KCNQ5: variants seen among roughly 807,000 people sequenced by gnomAD.
KCNQ5 encodes potassium voltage-gated channel subfamily Q member 5.
A neutral mutation model predicts 98.2 loss-of-function variants in KCNQ5; 30 were observed. That is an observed-to-expected ratio of 0.31 (90% CI 0.23 to 0.41). The LOEUF (loss-of-function observed/expected upper bound fraction) is 0.41, where lower values mean the gene tolerates loss of function less well. Among genes scored for constraint, KCNQ5 ranks in the 10% least tolerant of loss-of-function variants. The pLI, the probability that KCNQ5 is intolerant of heterozygous loss-of-function variation, is 1.00. For synonymous variants in KCNQ5, 458 were observed against 449.4 expected (o/e 1.02, Z -0.24); for missense variants, 835 against 1,182.5 (o/e 0.71, Z 4.31).
At chr6:72,902,555 G>A (rs539173721) in intron 1 of KCNQ5, among the ~76,000 whole-genome samples, 4 of 152,172 alleles carry the variant, frequency 2.6e-5, no homozygotes, top group African/African-American at 2.4e-5. Context: ...TCATAAAGAG[G>A]TGCTGGATTT....
intron 3 of KCNQ5, among the ~76,000 whole-genome samples, chr6:73,068,795 G>A (rs559954882): frequency 6.6e-6 from 1 of 152,078 alleles, no homozygotes; most frequent in Non-Finnish European, 1.5e-5. Context: ...GTATGAGCTG[G>A]GAGGAGAAAA....
At chr6:73,061,402 A>G (rs1397281255) in intron 3 of KCNQ5, among the ~76,000 whole-genome samples, 1 of 152,214 alleles carries the variant, frequency 6.6e-6, no homozygotes, top group South Asian at 2.1e-4. Context: ...CTAAATTAAA[A>G]GAATTATTGC....
chr6:73,177,035 T>C (rs1161342717), intron 11 of KCNQ5, among the ~76,000 whole-genome samples: 1 of 152,152 alleles, frequency 6.6e-6, no homozygotes, highest in African/African-American at 2.4e-5. Flanking sequence ...GCCAGACAGA[T>C]GGAAAACCAG....
At chr6:72,901,069 T>G (rs1779483768) in intron 1 of KCNQ5, among the ~76,000 whole-genome samples, 2 of 152,050 alleles carry the variant, frequency 1.3e-5, no homozygotes, top group South Asian at 4.1e-4. Flanking sequence ...GTTGGTGTGC[T>G]GCACCCATTA....
At chr6:72,948,493 C>T (rs1048831786) in intron 1 of KCNQ5, among the ~76,000 whole-genome samples, 1 of 151,874 alleles carries the variant, frequency 6.6e-6, no homozygotes, top group Admixed American at 6.6e-5. Flanking sequence ...AAAAAAAAAT[C>T]TTTTTCTTTT....
At chr6:73,085,850 A>G (rs894723731) in intron 5 of KCNQ5, among the ~76,000 whole-genome samples, 3 of 152,222 alleles carry the variant, frequency 2.0e-5, no homozygotes, top group African/African-American at 7.2e-5. Context: ...GAGCAAATGT[A>G]TTATTGGAAT....
chr6:72,921,942 C>A (rs1780418438), intron 1 of KCNQ5, among the ~76,000 whole-genome samples: 1 of 152,128 alleles, frequency 6.6e-6, no homozygotes, highest in Non-Finnish European at 1.5e-5. Flanking sequence ...ACATGTGGCT[C>A]CCTCAACTTG....
chr6:73,123,544 T>A (rs146891077), intron 8 of KCNQ5, among the ~76,000 whole-genome samples: 1 of 152,256 alleles, frequency 6.6e-6, no homozygotes, highest in Non-Finnish European at 1.5e-5. Context: ...ACTCTCTCTT[T>A]TCAGGTCTGG....
chr6:73,180,294 G>C (rs1159272089), intron 11 of KCNQ5, among the ~76,000 whole-genome samples: 2 of 152,272 alleles, frequency 1.3e-5, no homozygotes, highest in East Asian at 3.9e-4. Flanking sequence ...CAACGTCATA[G>C]GTACTCAATG....
Position 73,198,167 on chromosome 6 carries a change from A to G in KCNQ5, c.*2753A>G, listed in dbSNP as rs1582525607. The G allele has an allele frequency of 6.6e-6, 1 of 152,216 alleles. No homozygotes were observed. Among genetic ancestry groups the G allele is most frequent in the African/African-American group, 2.4e-5 (1 of 41,460 alleles). The allele number at this position is 152,216 out of a possible 1,614,324, so 9.4% of individuals were successfully genotyped here. A position where few individuals can be genotyped will look rare whatever the true frequency, so the allele number is the denominator to read the frequency against. On this transcript the variant is annotated 3_prime_UTR_variant, in exon 14 of 14. Transcript: ENST00000370398. ...CAATTTAGCTGAGCACTGAGTAGCCATATGCTTTCTGAGTACAAGTGTGTC... is the reference window on the plus strand; with the variant it reads ...CAATTTAGCTGAGCACTGAGTAGCCGTATGCTTTCTGAGTACAAGTGTGTC...
chr6:73,033,305 T>C (rs1384080839), intron 2 of KCNQ5, among the ~76,000 whole-genome samples: 1 of 152,152 alleles, frequency 6.6e-6, no homozygotes, highest in African/African-American at 2.4e-5. Context: ...AAAGTGTCAA[T>C]CAGTCATTTG....
chr6:73,156,822 T>C (rs1777378172), intron 10 of KCNQ5, among the ~76,000 whole-genome samples: 1 of 152,048 alleles, frequency 6.6e-6, no homozygotes, highest in Non-Finnish European at 1.5e-5. Context: ...AGAGTGACTG[T>C]GGAGAGGTGA....
At chr6:72,659,472 T>C (rs534815795) in intron 1 of KCNQ5, among the ~76,000 whole-genome samples, 9 of 152,322 alleles carry the variant, frequency 5.9e-5, no homozygotes, top group African/African-American at 2.2e-4. Context: ...TTATAAATAA[T>C]ACAAATTTAT....
intron 5 of KCNQ5, among the ~76,000 whole-genome samples, chr6:73,086,758 G>A (rs1353216302): frequency 3.3e-5 from 5 of 152,164 alleles, no homozygotes; most frequent in Non-Finnish European, 4.4e-5. Flanking sequence ...TATCACTCAC[G>A]TTAATGTTAT....
chr6:73,125,832 CTCTAACTACCAA>C (rs371764595), intron 9 of KCNQ5, among the ~76,000 whole-genome samples: 145,616 of 152,040 alleles, frequency 0.96, 69,729 homozygotes, highest in South Asian at 0.99. Flanking sequence ...TATTTGGTAG[CTCTAACTACCAA>C]ATAAGCCAAG....
rs375956337 is a variant in KCNQ5, at chr6:73,104,533, C to T, written c.919-724C>T. On this transcript the variant is annotated intron_variant, in intron 5 of 13. Transcript: ENST00000370398. ...TCAGAATCTACTCTATGTGTTCTCA[C>T]TGTTCTGCAGCTAGCCACCTCTTTC... 3.9e-5 allele frequency among the ~76,000 whole-genome samples: 6 copies of T among 152,310 alleles called. No homozygotes were observed. The East Asian group carries it at 7.7e-4, about 20-fold the overall frequency.
intron 11 of KCNQ5, among the ~76,000 whole-genome samples, chr6:73,187,400 G>A (rs1765413842): frequency 6.6e-6 from 1 of 151,940 alleles, no homozygotes; most frequent in Non-Finnish European, 1.5e-5. Flanking sequence ...GTGCTTGGGA[G>A]TCAATGCAAG....
intron 1 of KCNQ5, among the ~76,000 whole-genome samples, chr6:72,631,823 GT>G (rs144604671): frequency 2.6e-5 from 4 of 151,970 alleles, no homozygotes; most frequent in Non-Finnish European, 4.4e-5. Context: ...TAGAGAAGAA[GT>G]TTTTTTATCA....
intron 7 of KCNQ5, among the ~76,000 whole-genome samples, chr6:73,116,974 A>T (rs916545556): frequency 2.0e-5 from 3 of 152,192 alleles, no homozygotes; most frequent in African/African-American, 7.2e-5. Context: ...TCCCAAAAAA[A>T]CTGAATTATA....
Sources: gnomAD v4.1 joint callset for allele counts (sites outside exome capture counted in the v4.1 genomes callset) on GRCh38, gnomAD v4.1.1 for gene constraint, MANE v1.5 for transcripts, NCBI Gene and HGNC (gene_info 2026-07-23, HGNC 2026-07-21) for gene names.